Variants in CHST9 observed in about 807,000 individuals in gnomAD.
The protein encoded by CHST9 is carbohydrate sulfotransferase 9.
A neutral mutation model predicts 44.4 loss-of-function variants in CHST9; 41 were observed. The observed-to-expected ratio is 0.92, with a 90% CI of 0.72 to 1.20. CHST9 has a LOEUF of 1.20. CHST9 is among the 50% of genes most tolerant of loss of function. CHST9 has a pLI of 0.00. For synonymous variants in CHST9, 171 were observed against 178.4 expected (o/e 0.96, Z 0.33); for missense variants, 504 against 516.5 (o/e 0.98, Z 0.23).
At position 26,907,712 on chromosome 18, in the gene CHST9, C is replaced by G. The variant is rs1361031751; in HGVS notation, c.*8547G>C. ...GGTGTTTTCAGAGAATGTAATGGTTCCATGTGGCTGGATAATAGTGGGTTT... is the reference window on the plus strand; with the variant it reads ...GGTGTTTTCAGAGAATGTAATGGTTGCATGTGGCTGGATAATAGTGGGTTT... On this transcript the variant is annotated 3_prime_UTR_variant, in exon 6 of 6. Transcript: ENST00000618847. 1 of 153,098 alleles carries G rather than the reference C, an allele frequency of 6.5e-6. No homozygotes were observed. The highest frequency in any genetic ancestry group is 1.5e-5 in the Non-Finnish European group (1 of 68,780). 9.5% of individuals were successfully genotyped at this position (153,098 alleles called of 1,614,324 possible). A position where few individuals can be genotyped will look rare whatever the true frequency, so the allele number is the denominator to read the frequency against.
chr18:27,146,045 CAGAAG>C (rs1191071285), intron 1 of CHST9, among the ~76,000 whole-genome samples: 2 of 152,118 alleles, frequency 1.3e-5, no homozygotes, highest in South Asian at 4.1e-4. Flanking sequence ...AAACTTATCT[CAGAAG>C]AGAAAAGGCT....
chr18:27,094,449 G>A (rs2058097747), intron 2 of CHST9, among the ~76,000 whole-genome samples: 1 of 152,130 alleles, frequency 6.6e-6, no homozygotes, highest in Non-Finnish European at 1.5e-5. Flanking sequence ...TAACATCAAA[G>A]TGACCAAAAT....
intron 4 of CHST9, among the ~76,000 whole-genome samples, chr18:26,955,578 G>C (rs2056311328): frequency 6.6e-6 from 1 of 152,140 alleles, no homozygotes; most frequent in Admixed American, 6.5e-5. Flanking sequence ...TGAGAGCCCA[G>C]GCACTGGAGA....
At chr18:27,155,998 A>G (rs187632052) in intron 1 of CHST9, among the ~76,000 whole-genome samples, 7 of 152,308 alleles carry the variant, frequency 4.6e-5, no homozygotes, top group Non-Finnish European at 8.8e-5. Flanking sequence ...GGAAAAGATC[A>G]TGAAGTAGGA....
At chr18:27,001,394 G>A (rs2056951546) in intron 4 of CHST9, among the ~76,000 whole-genome samples, 1 of 152,222 alleles carries the variant, frequency 6.6e-6, no homozygotes, top group Non-Finnish European at 1.5e-5. Flanking sequence ...GTCCAAGAAT[G>A]TATTTGGGTG....
intron 5 of CHST9, among the ~76,000 whole-genome samples, chr18:26,928,590 T>C (rs962523695): frequency 1.9e-4 from 29 of 152,194 alleles, no homozygotes; most frequent in Non-Finnish European, 4.3e-4. Context: ...CAGGAAACAC[T>C]GGCAGGAGAG....
intron 2 of CHST9, among the ~76,000 whole-genome samples, chr18:27,059,496 C>T (rs2143606932): frequency 6.6e-6 from 1 of 152,188 alleles, no homozygotes; most frequent in Admixed American, 6.5e-5. Flanking sequence ...TGTATGAAGG[C>T]AACAACGGGA....
chr18:27,181,046 G>A (rs1473532127), intron 1 of CHST9, among the ~76,000 whole-genome samples: 1 of 151,968 alleles, frequency 6.6e-6, no homozygotes, highest in African/African-American at 2.4e-5. Context: ...TATTCTGAAG[G>A]GTACATCTAC....
intron 2 of CHST9, among the ~76,000 whole-genome samples, chr18:27,097,516 C>CT (rs2058129039): frequency 6.6e-6 from 1 of 152,024 alleles, no homozygotes; most frequent in Non-Finnish European, 1.5e-5. Context: ...CACCAAAAGG[C>CT]TCCTGGAACT....
intron 3 of CHST9, among the ~76,000 whole-genome samples, chr18:27,039,887 G>A (rs1293268510): frequency 1.3e-5 from 2 of 152,072 alleles, no homozygotes; most frequent in African/African-American, 4.8e-5. Flanking sequence ...AAAATGGCCA[G>A]AGAAAACAAG....
intron 1 of CHST9, among the ~76,000 whole-genome samples, chr18:27,151,715 G>T (rs1398640878): frequency 6.6e-6 from 1 of 152,088 alleles, no homozygotes; most frequent in East Asian, 1.9e-4. Context: ...TAAAGAAAGG[G>T]AACCATGAGC....
At position 26,966,238 on chromosome 18, in the gene CHST9, T is replaced by TGGG. The variant is rs2056462664; in HGVS notation, c.203-21873_203-21872insCCC. On this transcript the variant is annotated intron_variant, in intron 4 of 5. Transcript: ENST00000618847. Reference sequence around the variant, plus strand: ...GGACACTATAAAACTATGCTTTATATGACAGCTCTTTTAAAAAATCAAGTA... The same window carrying TGGG: ...GGACACTATAAAACTATGCTTTATATGGGGACAGCTCTTTTAAAAAATCAAGTA... Among the ~76,000 whole-genome samples, 6 of 152,358 alleles carry TGGG rather than the reference T, an allele frequency of 3.9e-5. No individual in the cohort carries two copies. In the South Asian group the frequency reaches 1.0e-3, roughly 26 times the overall value.
chr18:27,010,255 C>T (rs1473893406), intron 4 of CHST9, among the ~76,000 whole-genome samples: 1 of 152,084 alleles, frequency 6.6e-6, no homozygotes, highest in East Asian at 1.9e-4. Flanking sequence ...TAAGGGAGGT[C>T]ACTCTCATGG....
intron 1 of CHST9, among the ~76,000 whole-genome samples, chr18:27,150,532 G>T (rs1281123311): frequency 6.7e-6 from 1 of 150,306 alleles, no homozygotes; most frequent in Non-Finnish European, 1.5e-5. Flanking sequence ...CAAATTTAAA[G>T]TCTAACAGGC....
intron 1 of CHST9, among the ~76,000 whole-genome samples, chr18:27,155,542 G>A (rs1043230596): frequency 3.3e-5 from 5 of 152,068 alleles, no homozygotes; most frequent in African/African-American, 1.2e-4. Context: ...AACTTGTACT[G>A]GTTGTTCTAG....
chr18:26,957,510 C>T (rs1280209060), intron 4 of CHST9, among the ~76,000 whole-genome samples: 3 of 151,268 alleles, frequency 2.0e-5, no homozygotes, highest in African/African-American at 7.3e-5. Context: ...TCATACTTAG[C>T]TACTACCTTG....
intron 1 of CHST9, among the ~76,000 whole-genome samples, chr18:27,165,126 A>G (rs1427260998): frequency 6.6e-6 from 1 of 152,194 alleles, no homozygotes; most frequent in Non-Finnish European, 1.5e-5. Context: ...GGAGCAAAAC[A>G]GATGCTTGGG....
At chr18:26,957,793 C>T (rs953713979) in intron 4 of CHST9, among the ~76,000 whole-genome samples, 1 of 152,078 alleles carries the variant, frequency 6.6e-6, no homozygotes, top group Non-Finnish European at 1.5e-5. Flanking sequence ...ATACTCACAC[C>T]TGTGCAAAAG....
intron 2 of CHST9, among the ~76,000 whole-genome samples, chr18:27,058,986 C>T (rs146294427): frequency 2.6e-5 from 4 of 152,048 alleles, no homozygotes; most frequent in African/African-American, 9.6e-5. Flanking sequence ...CAGGGCTCAC[C>T]TAGATTCCTT....
Sources: gnomAD v4.1 joint callset for allele counts (sites outside exome capture counted in the v4.1 genomes callset) on GRCh38, gnomAD v4.1.1 for gene constraint, MANE v1.5 for transcripts, NCBI Gene and HGNC (gene_info 2026-07-23, HGNC 2026-07-21) for gene names.